The following DAPK1 variants were observed in gnomAD, a reference collection of about 807,000 sequenced individuals.
The protein encoded by DAPK1 is death associated protein kinase 1.
A neutral mutation model predicts 144.9 loss-of-function variants in DAPK1; 56 were observed. The ratio of observed to expected loss-of-function variants is 0.39; its 90% confidence interval spans 0.31 to 0.48. DAPK1 has a LOEUF of 0.48. DAPK1 is among the 20% of genes least tolerant of loss of function. The pLI, the probability that DAPK1 is intolerant of heterozygous loss-of-function variation, is 0.95. For missense variants in DAPK1, 1,454 were observed against 1,875.4 expected, an observed-to-expected ratio of 0.78 and a Z score of 4.15; for synonymous variants, 690 against 749.0, an observed-to-expected ratio of 0.92 and a Z score of 1.29.
chr9:87,598,580 G>A (rs913657966), intron 2 of DAPK1, among the ~76,000 whole-genome samples: 12 of 152,072 alleles, frequency 7.9e-5, no homozygotes, highest in African/African-American at 2.9e-4. Flanking sequence ...CCTGGGCTTG[G>A]CACCAGCTTA....
chr9:87,607,990 A>G (rs1309181307), intron 3 of DAPK1, among the ~76,000 whole-genome samples: 1 of 152,162 alleles, frequency 6.6e-6, no homozygotes, highest in Non-Finnish European at 1.5e-5. Flanking sequence ...AAGGGGAAGC[A>G]AGAGCCATCC....
rs1829805578 is a variant in DAPK1 at position 87,634,166 on chromosome 9, G to C, written c.285-3777G>C. Among the ~76,000 whole-genome samples, 3 of 152,228 alleles carry C rather than the reference G, an allele frequency of 2.0e-5. No individual in the cohort carries two copies. The South Asian group carries it at 6.2e-4, about 31-fold the overall frequency. ...ACATGTCATCTGTGGCTGCTTTCAT[G>C]ATACATTAGCAGAGCTGAGTAGTTG... On this transcript the variant is annotated intron_variant, in intron 3 of 25. Transcript: ENST00000408954.
At chr9:87,505,585 C>T (rs1368706700) in intron 2 of DAPK1, among the ~76,000 whole-genome samples, 1 of 152,034 alleles carries the variant, frequency 6.6e-6, no homozygotes, top group African/African-American at 2.4e-5. Context: ...TTAGTAGAGA[C>T]GGGGTTTCAC....
At chr9:87,681,358 T>C in intron 19 of DAPK1, 46 bp from the exon 20 acceptor site, 1 of 964,844 alleles carries the variant, frequency 1.0e-6, no homozygotes, top group Non-Finnish European at 1.7e-6. Flanking sequence ...AATCATTATT[T>C]GCCTCTTTTT....
chr9:87,601,410 A>C (rs1421073490), intron 2 of DAPK1, among the ~76,000 whole-genome samples: 1 of 152,214 alleles, frequency 6.6e-6, no homozygotes, highest in African/African-American at 2.4e-5. Context: ...ATAAGTGGCA[A>C]CACACCCTCT....
chr9:87,580,795 A>G (rs747087925), intron 2 of DAPK1, among the ~76,000 whole-genome samples: 5 of 152,184 alleles, frequency 3.3e-5, no homozygotes, highest in Admixed American at 6.5e-5. Flanking sequence ...AGTCTCCCAC[A>G]TAGGACCGAG....
At chr9:87,667,377 T>A (rs3118849) in intron 18 of DAPK1, among the ~76,000 whole-genome samples, 75,284 of 152,020 alleles carry the variant, frequency 0.5, 21,062 homozygotes, top group African/African-American at 0.75. Flanking sequence ...TTTTGCCTCC[T>A]CCCCCAGCAA....
intron 19 of DAPK1, among the ~76,000 whole-genome samples, chr9:87,676,606 TAAG>T (rs910291607): frequency 1.3e-5 from 2 of 152,354 alleles, no homozygotes; most frequent in African/African-American, 4.8e-5. Flanking sequence ...GTGAATTCTG[TAAG>T]TCTAGATCAG....
At position 87,680,653 on chromosome 9, in the gene DAPK1, G is replaced by A. The variant is rs79538501; in HGVS notation, c.2002-751G>A. ...GTGTGGGGGTCACACACACACACAC[G>A]CGCACACACACACACACACATTGAA... is the stretch of plus-strand genomic sequence containing the variant. On this transcript the variant is annotated intron_variant, in intron 19 of 25. Transcript: ENST00000408954. Among the ~76,000 whole-genome samples the A allele has an allele frequency of 2.2e-3, 333 of 150,484 alleles. 1 individual carries two copies. The highest frequency in any genetic ancestry group is 6.3e-3 in the African/African-American group (259 of 40,842).
chr9:87,614,141 T>TG (rs1564023771), intron 3 of DAPK1, among the ~76,000 whole-genome samples: 1 of 152,318 alleles, frequency 6.6e-6, no homozygotes, highest in East Asian at 1.9e-4. Context: ...TTCTTGCCAG[T>TG]TCAGTTGAAA....
At chr9:87,599,004 G>A (rs1828420513) in intron 2 of DAPK1, among the ~76,000 whole-genome samples, 1 of 152,174 alleles carries the variant, frequency 6.6e-6, no homozygotes, top group Non-Finnish European at 1.5e-5. Context: ...AAGGCAATAT[G>A]ACCCAAACAG....
intron 2 of DAPK1, among the ~76,000 whole-genome samples, chr9:87,542,429 C>T (rs2118481378): frequency 6.6e-6 from 1 of 152,288 alleles, no homozygotes; most frequent in South Asian, 2.1e-4. Flanking sequence ...TGCTGTGAGC[C>T]AGGCATCCCT....
At chr9:87,701,701 T>A (rs1237232533) in intron 24 of DAPK1, 3 of 327,122 alleles carry the variant, frequency 9.2e-6, no homozygotes, top group Non-Finnish European at 1.9e-5. Context: ...CTCTTACCTT[T>A]GAAGCTGCCT....
chr9:87,582,903 A>G (rs1827801617), intron 2 of DAPK1, among the ~76,000 whole-genome samples: 1 of 151,928 alleles, frequency 6.6e-6, no homozygotes, highest in Admixed American at 6.6e-5. Flanking sequence ...ACCTTGAGAT[A>G]CTGGGTGATC....
intron 3 of DAPK1, chr9:87,632,009 G>A (rs892339541): frequency 4.8e-5 from 37 of 764,776 alleles, no homozygotes; most frequent in Admixed American, 1.2e-4. Context: ...TATATGTAGA[G>A]ATGAAGGAGG....
intron 2 of DAPK1, among the ~76,000 whole-genome samples, chr9:87,581,893 T>G (rs2118831977): frequency 6.6e-6 from 1 of 152,350 alleles, no homozygotes; most frequent in South Asian, 2.1e-4. Flanking sequence ...ACTCATTTTC[T>G]TTAATTTGAG....
chr9:87,623,711 AT>A (rs1564028606), intron 3 of DAPK1, among the ~76,000 whole-genome samples: 1 of 152,056 alleles, frequency 6.6e-6, no homozygotes, highest in East Asian at 1.9e-4. Flanking sequence ...AGAGGAAGGG[AT>A]TGTGCCGGGG....
intron 14 of DAPK1, 27 bp from the exon 15 acceptor site, chr9:87,648,754 G>C: frequency 6.3e-7 from 1 of 1,597,960 alleles, no homozygotes; most frequent in Non-Finnish European, 8.6e-7. Context: ...ATGTGGCTCT[G>C]AATCACCGGC....
intron 2 of DAPK1, among the ~76,000 whole-genome samples, chr9:87,539,111 T>C (rs1431432041): frequency 6.6e-6 from 1 of 151,474 alleles, no homozygotes; most frequent in East Asian, 1.9e-4. Flanking sequence ...ATGTACTACA[T>C]ATATTATGTA....
Sources: allele counts gnomAD v4.1 joint callset (sites outside exome capture counted in the v4.1 genomes callset), GRCh38; gene constraint gnomAD v4.1.1; transcripts MANE v1.5; gene names NCBI Gene and HGNC (gene_info 2026-07-23, HGNC 2026-07-21).